ZNF326: variants seen among roughly 807,000 people sequenced by gnomAD.
ZNF326 encodes the protein zinc finger protein 326, also known as DBIRD complex subunit ZNF326.
ZNF326 carries 30 observed loss-of-function variants against 63.1 expected under a neutral mutation model. That is an observed-to-expected ratio of 0.48 (90% CI 0.36 to 0.64). ZNF326 has a LOEUF of 0.64. Among genes scored for constraint, ZNF326 ranks in the 30% least tolerant of loss-of-function variants. The pLI is 0.00. For missense variants in ZNF326, 609 were observed against 720.3 expected (o/e 0.85, Z 1.77); for synonymous variants, 194 against 228.2 (o/e 0.85, Z 1.35).
chr1:90,034,746 GT>G lies in ZNF326; in HGVS notation c.*7047del, dbSNP rs2101114793. On this transcript the variant is annotated 3_prime_UTR_variant, in exon 12 of 12. Coordinates refer to ENST00000340281, the MANE Select transcript of ZNF326 (RefSeq NM_182976.4). ...TAAGCAGTTCTAGATTATACAAAATGTTGAAACATCTCAATTTGGTCTCTGA... is the reference window on the plus strand; with the variant it reads ...TAAGCAGTTCTAGATTATACAAAATGTGAAACATCTCAATTTGGTCTCTGA... The G allele has an allele frequency of 6.6e-6, 1 of 152,278 alleles. No individual in the cohort carries two copies. The highest frequency in any genetic ancestry group is 1.5e-5 in the Non-Finnish European group (1 of 67,984). The allele number at this position is 152,278 out of a possible 1,614,324, so 9.4% of individuals were successfully genotyped here. A position where few individuals can be genotyped will look rare whatever the true frequency, so the allele number is the denominator to read the frequency against.
At chr1:90,016,733 A>C (rs1649521501) in intron 7 of ZNF326, among the ~76,000 whole-genome samples, 1 of 152,044 alleles carries the variant, frequency 6.6e-6, no homozygotes, top group Admixed American at 6.6e-5. Context: ...AAAAAAGAAA[A>C]AGAAAAAGAA....
chr1:90,000,285 T>G (rs1648608460), intron 2 of ZNF326, among the ~76,000 whole-genome samples: 1 of 152,210 alleles, frequency 6.6e-6, no homozygotes, highest in African/African-American at 2.4e-5. Context: ...GTAGAAGGCA[T>G]TGGAAAACAT....
intron 2 of ZNF326, 92 bp from the exon 3 acceptor site, chr1:90,004,911 A>G (rs1275568142): frequency 9.6e-7 from 1 of 1,041,842 alleles, no homozygotes. Context: ...AAATTATCTC[A>G]GGTGATAGAT....
At chr1:90,022,872 A>G (rs1649842192) in intron 11 of ZNF326, among the ~76,000 whole-genome samples, 1 of 152,228 alleles carries the variant, frequency 6.6e-6, no homozygotes, top group Non-Finnish European at 1.5e-5. Flanking sequence ...TTTTCTTCCA[A>G]GCATACTAAT....
intron 2 of ZNF326, among the ~76,000 whole-genome samples, chr1:90,002,629 T>G (rs1296447013): frequency 2.6e-5 from 4 of 152,246 alleles, no homozygotes; most frequent in Non-Finnish European, 5.9e-5. Flanking sequence ...TTGTCCAGTT[T>G]GGTAGCTACT....
chr1:90,023,207 G>T lies in ZNF326; in HGVS notation c.1401+862G>T, dbSNP rs998438894. ...GTTTTTACTTCTCTTATAATACCCA[G>T]ACTGGTCTGATAGAAGTTATTTTTC... On this transcript the variant is annotated intron_variant, in intron 11 of 11. Transcript: ENST00000340281. Among the ~76,000 whole-genome samples the T allele has an allele frequency of 9.9e-4, 150 of 152,144 alleles. 1 individual carries two copies. The highest frequency in any genetic ancestry group is 3.4e-3 in the African/African-American group (141 of 41,432).
At chr1:90,002,796 A>G (rs1416654871) in intron 2 of ZNF326, among the ~76,000 whole-genome samples, 2 of 152,218 alleles carry the variant, frequency 1.3e-5, no homozygotes, top group Admixed American at 6.5e-5. Flanking sequence ...GTACTGTTAT[A>G]TTAAAACCCA....
intron 7 of ZNF326, among the ~76,000 whole-genome samples, chr1:90,013,815 G>C (rs1317800623): frequency 6.6e-6 from 1 of 152,026 alleles, no homozygotes; most frequent in Non-Finnish European, 1.5e-5. Flanking sequence ...TGTAATCCCA[G>C]CACTTTGGGA....
chr1:90,023,935 A>G (rs1350298891), intron 11 of ZNF326, among the ~76,000 whole-genome samples: 1 of 152,208 alleles, frequency 6.6e-6, no homozygotes, highest in Non-Finnish European at 1.5e-5. Context: ...GCTCATTAGA[A>G]ATGCAGAATT....
chr1:90,027,674 C>G lies in ZNF326; in HGVS notation c.1722C>G (p.Phe574Leu), dbSNP rs747781397. ...EETAKEEPAD[F>L]PVEQPEEN ...CAGCAAAGGAAGAACCTGCTGACTT[C>G]CCTGTTGAGCAACCTGAAGAAAATT... The change falls in exon 12 of 12, where the codon TTC becomes TTG. Residue 574 changes from phenylalanine to leucine, a missense_variant. Coordinates refer to ENST00000340281, the MANE Select transcript of ZNF326 (RefSeq NM_182976.4). 1 of 1,613,906 alleles carries G rather than the reference C, an allele frequency of 6.2e-7. No homozygotes were observed. Among genetic ancestry groups the G allele is most frequent in the East Asian group, 2.2e-5 (1 of 44,864 alleles).
intron 4 of ZNF326, chr1:90,006,520 C>T (rs1249609599): frequency 2.1e-6 from 2 of 965,698 alleles, no homozygotes; most frequent in Admixed American, 1.2e-4. Context: ...CTCTTAAAAC[C>T]TCGAGGAGAC....
intron 11 of ZNF326, among the ~76,000 whole-genome samples, chr1:90,024,458 C>T (rs755481840): frequency 2.6e-5 from 4 of 152,144 alleles, no homozygotes; most frequent in South Asian, 2.1e-4. Context: ...TGGAATTGTG[C>T]GTGCCAGTCC....
chr1:90,001,773 G>C (rs1557515940), intron 2 of ZNF326, among the ~76,000 whole-genome samples: 1 of 152,018 alleles, frequency 6.6e-6, no homozygotes, highest in Non-Finnish European at 1.5e-5. Flanking sequence ...GGTCAGGCTG[G>C]TCTTGAACTC....
In ZNF326 at chr1:90,007,994, T is replaced by A. The variant is rs1649068026; in HGVS notation, c.615+244T>A. ...CCCTTTATTAAAAAGGTGAGGCTAC[T>A]GGTTTGGTCTAAAAGGGGTTAAAAG... On this transcript the variant is annotated intron_variant, in intron 5 of 11. Transcript: ENST00000340281. The surrounding 1 kb of genome is among the most constrained non-coding windows in gnomAD (Gnocchi z 4.9). Among the ~76,000 whole-genome samples, 1 of 152,238 alleles carries A rather than the reference T, an allele frequency of 6.6e-6. No homozygotes were observed. Among genetic ancestry groups the A allele is most frequent in the South Asian group, 2.1e-4 (1 of 4,834 alleles).
At chr1:90,016,407 G>T (rs1286756405) in intron 7 of ZNF326, among the ~76,000 whole-genome samples, 2 of 152,148 alleles carry the variant, frequency 1.3e-5, no homozygotes, top group East Asian at 1.9e-4. Context: ...TCAAGGAAAA[G>T]AAAATAATGT....
chr1:89,997,628 T>G (rs1648452982), intron 1 of ZNF326, among the ~76,000 whole-genome samples: 1 of 152,136 alleles, frequency 6.6e-6, no homozygotes, highest in South Asian at 2.1e-4. Flanking sequence ...CACCTCACCT[T>G]CCCAAGTGCT....
chr1:90,001,207 A>C (rs903298972), intron 2 of ZNF326, among the ~76,000 whole-genome samples: 3 of 152,178 alleles, frequency 2.0e-5, no homozygotes, highest in Admixed American at 2.0e-4. Context: ...CAATGTCCCC[A>C]GGGGGTGCAA....
rs1010236865 is a variant in ZNF326 at position 90,032,471 on chromosome 1, C to G, written c.*4770C>G. 1 of 152,018 alleles carries G rather than the reference C, an allele frequency of 6.6e-6. No individual in the cohort carries two copies. Among genetic ancestry groups the G allele is most frequent in the Admixed American group, 6.6e-5 (1 of 15,256 alleles). The allele number at this position is 152,018 out of a possible 1,614,324, so 9.4% of individuals were successfully genotyped here. A position where few individuals can be genotyped will look rare whatever the true frequency, so the allele number is the denominator to read the frequency against. On this transcript the variant is annotated 3_prime_UTR_variant, in exon 12 of 12. Transcript: ENST00000340281. ...CATGCTTGATTCAAGTCATTAAATTCTAAAGTTCTATTAAAATTGTAGAGG... is the reference window on the plus strand; with the variant it reads ...CATGCTTGATTCAAGTCATTAAATTGTAAAGTTCTATTAAAATTGTAGAGG...
chr1:89,998,277 T>A, intron 2 of ZNF326, 123 bp downstream of exon 2: 5 of 809,590 alleles, frequency 6.2e-6, no homozygotes, highest in Non-Finnish European at 9.8e-6. Flanking sequence ...GTGTTAATAT[T>A]GTCTTACTAT....
Sources: gnomAD v4.1 joint callset for allele counts (sites outside exome capture counted in the v4.1 genomes callset) on GRCh38, gnomAD v4.1.1 for gene constraint, Gnocchi (gnomAD v3.1) non-coding constraint, MANE v1.5 for transcripts, NCBI Gene and HGNC (gene_info 2026-07-23, HGNC 2026-07-21) for gene names.